Variants in SNTB2 observed in about 807,000 individuals in gnomAD.
SNTB2 encodes beta-2-syntrophin.
SNTB2 carries 34 observed loss-of-function variants against 46.2 expected under a neutral mutation model. That is an observed-to-expected ratio of 0.74 (90% CI 0.56 to 0.98). The LOEUF (loss-of-function observed/expected upper bound fraction) is 0.98. SNTB2 is among the 50% of genes least tolerant of loss of function. The pLI, the probability that SNTB2 is intolerant of heterozygous loss-of-function variation, is 0.00. For missense variants in SNTB2, 603 were observed against 731.4 expected, an observed-to-expected ratio of 0.82 and a Z score of 2.02; for synonymous variants, 290 against 312.6, an observed-to-expected ratio of 0.93 and a Z score of 0.76.
Position 69,307,248 on chromosome 16 carries a change from A to G in SNTB2, c.*6324A>G, listed in dbSNP as rs752306975. The G allele has an allele frequency of 6.6e-6, 1 of 152,214 alleles. No individual in the cohort carries two copies. Among genetic ancestry groups the G allele is most frequent in the Non-Finnish European group, 1.5e-5 (1 of 68,054 alleles). 9.4% of individuals were successfully genotyped at this position (152,214 alleles called of 1,614,324 possible). A position where few individuals can be genotyped will look rare whatever the true frequency, so the allele number is the denominator to read the frequency against. On this transcript the variant is annotated 3_prime_UTR_variant, in exon 7 of 7. Transcript: ENST00000336278. ...CATCACTTCATATTTTTACCAAAGTATATTTACAAGTCTGTTTATCTGGAT... is the reference window on the plus strand; with the variant it reads ...CATCACTTCATATTTTTACCAAAGTGTATTTACAAGTCTGTTTATCTGGAT...
At chr16:69,222,194 T>C (rs1964411992) in intron 1 of SNTB2, among the ~76,000 whole-genome samples, 2 of 152,242 alleles carry the variant, frequency 1.3e-5, no homozygotes, top group Non-Finnish European at 2.9e-5. Context: ...CTATTATTTC[T>C]GCTTTTCCTT....
chr16:69,187,298 CG>C lies in SNTB2; in HGVS notation c.136del (p.Glu46ArgfsTer3). 6.7e-7 allele frequency: 1 copy of C among 1,484,018 alleles called. No homozygotes were observed. Among genetic ancestry groups the C allele is most frequent in the Non-Finnish European group, 8.9e-7 (1 of 1,123,954 alleles). The allele number at this position is 1,484,018 out of a possible 1,614,324, so 91.9% of individuals were successfully genotyped here. A position where few individuals can be genotyped will look rare whatever the true frequency, so the allele number is the denominator to read the frequency against. ...RWVRVVAELS[G>X]ESLSLTGDAA... ...GGGTCCGAGTGGTGGCCGAGCTGAG[CG>C]GGGAGAGCCTGAGCCTGACGGGCGA... is the stretch of plus-strand genomic sequence containing the variant. On this transcript the variant is annotated frameshift_variant, in exon 1 of 7. Coordinates refer to ENST00000336278, the MANE Select transcript of SNTB2 (RefSeq NM_006750.4). LOFTEE classifies it high-confidence loss of function.
At chr16:69,193,933 G>C (rs1964081015) in intron 1 of SNTB2, among the ~76,000 whole-genome samples, 1 of 152,124 alleles carries the variant, frequency 6.6e-6, no homozygotes, top group Non-Finnish European at 1.5e-5. Context: ...CTTTATTCTA[G>C]TCCTTTTATG....
chr16:69,214,058 C>T (rs1423574340), intron 1 of SNTB2, among the ~76,000 whole-genome samples: 3 of 146,116 alleles, frequency 2.1e-5, no homozygotes, highest in Admixed American at 6.8e-5. Flanking sequence ...CTCCTGACCT[C>T]GTGATCCACC....
intron 1 of SNTB2, among the ~76,000 whole-genome samples, chr16:69,216,679 C>T (rs973398576): frequency 1.3e-5 from 2 of 151,624 alleles, no homozygotes; most frequent in African/African-American, 4.9e-5. Context: ...CAGAGTGAGA[C>T]CCTGCCCCCC....
intron 5 of SNTB2, among the ~76,000 whole-genome samples, chr16:69,290,669 A>G (rs1341434604): frequency 6.6e-6 from 1 of 152,140 alleles, no homozygotes; most frequent in Non-Finnish European, 1.5e-5. Flanking sequence ...CATAGCCCCT[A>G]TTTTTCAAGT....
At position 69,245,487 on chromosome 16, in the gene SNTB2, G is replaced by A. The variant is rs1174450917; in HGVS notation, c.581-115G>A. The A allele has an allele frequency of 1.9e-5, 20 of 1,035,244 alleles. No homozygotes were observed. In the Admixed American group the frequency reaches 2.4e-4, roughly 13 times the overall value. 64.1% of individuals were successfully genotyped at this position (1,035,244 alleles called of 1,614,324 possible). ...TGGGATTACAGGAGTGAGCCACCGC[G>A]CCCAGCTCTTTCCTCCACTTTGTTA... On this transcript the variant is annotated intron_variant, in intron 1 of 6. Coordinates refer to ENST00000336278, the MANE Select transcript of SNTB2 (RefSeq NM_006750.4).
intron 1 of SNTB2, among the ~76,000 whole-genome samples, chr16:69,224,601 T>G (rs7192863): frequency 0.33 from 50,172 of 152,102 alleles, 8,985 homozygotes; most frequent in African/African-American, 0.45. Flanking sequence ...GCATAAATCA[T>G]TGGATCTTGC....
intron 2 of SNTB2, among the ~76,000 whole-genome samples, chr16:69,252,762 C>T (rs1964738130): frequency 6.6e-6 from 1 of 152,200 alleles, no homozygotes; most frequent in Non-Finnish European, 1.5e-5. Context: ...CAAAACTTCA[C>T]ACATAGCTGT....
At chr16:69,269,559 A>G (rs1049690975) in intron 3 of SNTB2, among the ~76,000 whole-genome samples, 15 of 152,230 alleles carry the variant, frequency 9.9e-5, no homozygotes, top group Non-Finnish European at 1.8e-4. Context: ...TGCACAAAAT[A>G]AGAGAGTTGT....
At chr16:69,300,282 G>A (rs1422087726) in intron 6 of SNTB2, among the ~76,000 whole-genome samples, 3 of 149,620 alleles carry the variant, frequency 2.0e-5, no homozygotes, top group East Asian at 2.0e-4. Context: ...ACGGAGTCTC[G>A]CTTTGTCGCC....
intron 1 of SNTB2, among the ~76,000 whole-genome samples, chr16:69,188,631 T>C (rs1457783289): frequency 6.6e-6 from 1 of 152,226 alleles, no homozygotes; most frequent in Admixed American, 6.5e-5. Context: ...TTGTAAATTA[T>C]AAACGAAAAG....
At chr16:69,250,353 A>G (rs953158958) in intron 2 of SNTB2, among the ~76,000 whole-genome samples, 8 of 152,240 alleles carry the variant, frequency 5.3e-5, no homozygotes, top group Non-Finnish European at 7.3e-5. Context: ...AGAAGATAGA[A>G]TTTAGGAAGA....
intron 1 of SNTB2, among the ~76,000 whole-genome samples, chr16:69,215,106 C>G (rs1046286903): frequency 6.6e-6 from 1 of 151,536 alleles, no homozygotes; most frequent in African/African-American, 2.4e-5. Context: ...GACGATCCAC[C>G]CACTCCCTCC....
chr16:69,261,591 TAATG>T (rs1210041584), intron 3 of SNTB2, among the ~76,000 whole-genome samples: 1 of 152,182 alleles, frequency 6.6e-6, no homozygotes, highest in Non-Finnish European at 1.5e-5. Context: ...AATAAAAAAT[TAATG>T]AAAGTCATGA....
chr16:69,268,556 C>T (rs530125485), intron 3 of SNTB2, among the ~76,000 whole-genome samples: 2 of 152,162 alleles, frequency 1.3e-5, no homozygotes, highest in African/African-American at 4.8e-5. Context: ...TGGGTTAATA[C>T]AATTTTTAAA....
chr16:69,284,459 TAAAAAAAAAAAAAA>T (rs3087058), intron 5 of SNTB2, among the ~76,000 whole-genome samples: 81 of 45,918 alleles, frequency 1.8e-3, no homozygotes, highest in Admixed American at 7.7e-3. Flanking sequence ...CCGTCTTTAC[TAAAAAAAAAAAAAA>T]AAAAAAAAAA....
At chr16:69,278,750 C>G (rs1262355421) in intron 4 of SNTB2, among the ~76,000 whole-genome samples, 1 of 152,178 alleles carries the variant, frequency 6.6e-6, no homozygotes, top group Non-Finnish European at 1.5e-5. Context: ...GCCACCACAC[C>G]CAGCCAATAT....
In SNTB2 at chr16:69,301,904, C is replaced by T. The variant is rs990345737; in HGVS notation, c.*980C>T. The T allele has an allele frequency of 2.0e-5, 3 of 152,558 alleles. No individual in the cohort carries two copies. The highest frequency in any genetic ancestry group is 4.4e-5 in the Non-Finnish European group (3 of 68,028). The allele number at this position is 152,558 out of a possible 1,614,324, so 9.5% of individuals were successfully genotyped here. ...TCATTGAGGTGGGTTTCCTTAATGG[C>T]ATCTCTTCTAGTAGGCAGATCTGTT... On this transcript the variant is annotated 3_prime_UTR_variant, in exon 7 of 7. Transcript: ENST00000336278.
Sources: allele counts gnomAD v4.1 joint callset (sites outside exome capture counted in the v4.1 genomes callset), GRCh38; gene constraint gnomAD v4.1.1; transcripts MANE v1.5; gene names NCBI Gene and HGNC (gene_info 2026-07-23, HGNC 2026-07-21).